Variants in ERC1 observed in about 807,000 individuals in gnomAD.
ERC1 encodes the protein RAB6 interacting protein 2.
A neutral mutation model predicts 132.0 loss-of-function variants in ERC1; 56 were observed. The observed-to-expected ratio is 0.42, with a 90% CI of 0.34 to 0.53. The LOEUF is 0.53. ERC1 is among the 20% of genes least tolerant of loss of function. ERC1 has a pLI of 0.03. For synonymous variants in ERC1, 478 were observed against 476.1 expected, an observed-to-expected ratio of 1.00 and a Z score of -0.05; for missense variants, 1,202 against 1,349.9, an observed-to-expected ratio of 0.89 and a Z score of 1.72.
Position 1,279,845 on chromosome 12 carries a change from G to A in ERC1, c.2620-10007G>A, listed in dbSNP as rs187248496. Among the ~76,000 whole-genome samples the A allele has an allele frequency of 4.2e-3, 638 of 152,094 alleles. 6 individuals carry two copies. Among genetic ancestry groups the A allele is most frequent in the African/African-American group, 0.014 (597 of 41,522 alleles). On this transcript the variant is annotated intron_variant, in intron 14 of 18. Coordinates refer to ENST00000360905, the MANE Select transcript of ERC1 (RefSeq NM_178040.4). ...CAAGTAGCTGGGACTACAGGCGTGC[G>A]CCACCATGCCCAGCTAATTTTTGTA...
At chr12:995,259 CAAAT>C (rs957353732) in intron 1 of ERC1, among the ~76,000 whole-genome samples, 3 of 151,974 alleles carry the variant, frequency 2.0e-5, no homozygotes, top group Non-Finnish European at 2.9e-5. Flanking sequence ...AAGGCTATCT[CAAAT>C]AAATAATAAA....
chr12:1,290,821 G>A (rs929267916), intron 15 of ERC1, among the ~76,000 whole-genome samples: 3 of 152,018 alleles, frequency 2.0e-5, no homozygotes, highest in Admixed American at 6.6e-5. Flanking sequence ...CTTCTTTTCT[G>A]TCTCAGAGAA....
intron 7 of ERC1, among the ~76,000 whole-genome samples, chr12:1,133,941 C>CT (rs1949012823): frequency 6.6e-6 from 1 of 152,112 alleles, no homozygotes; most frequent in Non-Finnish European, 1.5e-5. Flanking sequence ...TCACTGAATG[C>CT]TTTTTGTCCT....
At chr12:1,228,306 A>T (rs1474963142) in intron 12 of ERC1, among the ~76,000 whole-genome samples, 2 of 59,612 alleles carry the variant, frequency 3.4e-5, no homozygotes, top group East Asian at 6.0e-4. Flanking sequence ...ATCTTTTTCA[A>T]TTCCTTTGTC....
intron 2 of ERC1, among the ~76,000 whole-genome samples, chr12:1,062,658 G>A (rs1938254454): frequency 6.6e-6 from 1 of 152,304 alleles, no homozygotes; most frequent in Admixed American, 6.5e-5. Flanking sequence ...TGTTCCATGT[G>A]CTGATGAGGA....
At chr12:1,348,026 T>C (rs1263919523) in intron 15 of ERC1, among the ~76,000 whole-genome samples, 2 of 152,172 alleles carry the variant, frequency 1.3e-5, no homozygotes, top group African/African-American at 2.4e-5. Flanking sequence ...AGGTTTCTTG[T>C]ATGTCTCTCC....
chr12:1,161,396 G>T (rs949845500), intron 8 of ERC1, among the ~76,000 whole-genome samples: 9 of 152,088 alleles, frequency 5.9e-5, no homozygotes, highest in Non-Finnish European at 1.2e-4. Context: ...TCATGCCCTG[G>T]CATTTCACTT....
At chr12:1,411,578 A>G (rs1046968801) in intron 17 of ERC1, among the ~76,000 whole-genome samples, 1 of 152,200 alleles carries the variant, frequency 6.6e-6, no homozygotes, top group Non-Finnish European at 1.5e-5. Flanking sequence ...TCAGGTTAGG[A>G]TGCTGCATGT....
chr12:1,268,369 T>C (rs550958070), intron 14 of ERC1, among the ~76,000 whole-genome samples: 22 of 152,364 alleles, frequency 1.4e-4, no homozygotes, highest in African/African-American at 5.0e-4. Flanking sequence ...ATCTTGTGCT[T>C]TTCCAAATGC....
intron 14 of ERC1, among the ~76,000 whole-genome samples, chr12:1,274,255 A>G (rs1001810797): frequency 1.3e-5 from 2 of 152,164 alleles, no homozygotes; most frequent in African/African-American, 4.8e-5. Context: ...AGATCCTCCT[A>G]TGTGCTAGAA....
intron 13 of ERC1, among the ~76,000 whole-genome samples, chr12:1,250,555 AAATTT>A (rs765937384): frequency 6.6e-6 from 1 of 152,298 alleles, no homozygotes. Context: ...ATAAATAATA[AAATTT>A]AATTTAGTTA....
intron 8 of ERC1, among the ~76,000 whole-genome samples, chr12:1,178,177 C>T (rs555265923): frequency 3.9e-5 from 6 of 152,106 alleles, no homozygotes; most frequent in African/African-American, 1.4e-4. Context: ...CTGTCGAGTT[C>T]TTCTTGACTC....
At chr12:1,004,533 A>C (rs1215562098) in intron 1 of ERC1, among the ~76,000 whole-genome samples, 2 of 150,080 alleles carry the variant, frequency 1.3e-5, no homozygotes, top group African/African-American at 2.5e-5. Context: ...CAGCCTCCCA[A>C]GTAGCTGGGA....
chr12:1,161,674 T>G (rs1430274895), intron 8 of ERC1, among the ~76,000 whole-genome samples: 1 of 152,196 alleles, frequency 6.6e-6, no homozygotes, highest in Non-Finnish European at 1.5e-5. Context: ...AGTGGGATAT[T>G]GTGGTATAAC....
intron 18 of ERC1, among the ~76,000 whole-genome samples, chr12:1,483,365 A>T (rs1019059367): frequency 5.3e-5 from 8 of 152,282 alleles, no homozygotes; most frequent in African/African-American, 1.9e-4. Flanking sequence ...CATTTAATGT[A>T]ATGTTTTTAT....
chr12:1,454,818 T>C (rs1179824672), intron 18 of ERC1, among the ~76,000 whole-genome samples: 1 of 152,232 alleles, frequency 6.6e-6, no homozygotes, highest in African/African-American at 2.4e-5. Context: ...GAGTGTGATA[T>C]AAATTTAAAA....
At chr12:1,162,147 G>A (rs1383012082) in intron 8 of ERC1, among the ~76,000 whole-genome samples, 1 of 152,192 alleles carries the variant, frequency 6.6e-6, no homozygotes, top group Non-Finnish European at 1.5e-5. Context: ...CTTAGAGAAT[G>A]AAACGAGACA....
At chr12:1,009,243 C>G (rs534556366) in intron 1 of ERC1, among the ~76,000 whole-genome samples, 1 of 151,366 alleles carries the variant, frequency 6.6e-6, no homozygotes, top group Admixed American at 6.6e-5. Context: ...GGCACTATCT[C>G]GGCTCACTGC....
chr12:995,560 A>G (rs1416157281), intron 1 of ERC1, among the ~76,000 whole-genome samples: 1 of 152,198 alleles, frequency 6.6e-6, no homozygotes, highest in Non-Finnish European at 1.5e-5. Flanking sequence ...GGTGATGTCC[A>G]GGAAGAGTGA....
Sources: allele counts gnomAD v4.1 joint callset (sites outside exome capture counted in the v4.1 genomes callset), GRCh38; gene constraint gnomAD v4.1.1; transcripts MANE v1.5; gene names NCBI Gene and HGNC (gene_info 2026-07-23, HGNC 2026-07-21).